Variants in CSMD1 observed in about 807,000 individuals in gnomAD.
CSMD1 encodes CUB and Sushi multiple domains 1.
CSMD1 carries 213 observed loss-of-function variants against 417.5 expected under a neutral mutation model. The observed-to-expected ratio is 0.51, with a 90% CI of 0.46 to 0.57. The LOEUF is 0.57. Among genes scored for constraint, CSMD1 ranks in the 20% least tolerant of loss-of-function variants. The probability of loss-of-function intolerance (pLI) is 0.00; values close to 1 mark genes in which losing one functional copy is unlikely to be tolerated. For synonymous variants in CSMD1, 2,862 were observed against 1,736.8 expected, an observed-to-expected ratio of 1.65 and a Z score of -16.11; for missense variants, 6,923 against 4,529.7, an observed-to-expected ratio of 1.53 and a Z score of -15.17.
chr8:3,660,680 C>T (rs935113636), intron 7 of CSMD1, among the ~76,000 whole-genome samples: 56 of 151,844 alleles, frequency 3.7e-4, no homozygotes, highest in African/African-American at 1.3e-3. Flanking sequence ...TCCACCACAC[C>T]TGGCTAATTT....
chr8:3,990,708 A>G (rs1026180851), intron 5 of CSMD1, among the ~76,000 whole-genome samples: 3 of 152,200 alleles, frequency 2.0e-5, no homozygotes, highest in African/African-American at 4.8e-5. Flanking sequence ...TTCAGGCTTA[A>G]TTCTAGGCAA....
intron 2 of CSMD1, among the ~76,000 whole-genome samples, chr8:4,443,713 AGTT>A (rs1444165533): frequency 6.6e-6 from 1 of 152,232 alleles, no homozygotes; most frequent in Admixed American, 6.5e-5. Flanking sequence ...TTCTAGCAGC[AGTT>A]GGCTAAAGAT....
chr8:3,646,162 A>G (rs1797559683), intron 7 of CSMD1, among the ~76,000 whole-genome samples: 1 of 152,096 alleles, frequency 6.6e-6, no homozygotes, highest in South Asian at 2.1e-4. Context: ...CAATATATAA[A>G]ATGAAAAAGG....
At chr8:4,786,868 ATTAT>A (rs1481918085) in intron 1 of CSMD1, among the ~76,000 whole-genome samples, 4 of 152,210 alleles carry the variant, frequency 2.6e-5, no homozygotes, top group African/African-American at 9.6e-5. Context: ...GAAAATAGTA[ATTAT>A]TTAAGTGAAA....
At chr8:4,046,085 T>C (rs1307997552) in intron 3 of CSMD1, among the ~76,000 whole-genome samples, 1 of 152,174 alleles carries the variant, frequency 6.6e-6, no homozygotes, top group Non-Finnish European at 1.5e-5. Flanking sequence ...TATACACACA[T>C]TATATAACAT....
chr8:3,396,434 G>A (rs752613269), intron 16 of CSMD1, 53 bp from the exon 17 acceptor site: 10 of 1,311,882 alleles, frequency 7.6e-6, no homozygotes, highest in African/African-American at 1.5e-5. Flanking sequence ...CCAGCTTACA[G>A]ACGTGCTCCT....
chr8:4,100,618 G>A (rs904117547), intron 3 of CSMD1, among the ~76,000 whole-genome samples: 4 of 152,112 alleles, frequency 2.6e-5, no homozygotes, highest in East Asian at 1.9e-4. Flanking sequence ...AGTTTCCACC[G>A]TGATAATGGG....
intron 1 of CSMD1, among the ~76,000 whole-genome samples, chr8:4,643,921 C>G (rs1435812945): frequency 6.6e-6 from 1 of 152,200 alleles, no homozygotes; most frequent in African/African-American, 2.4e-5. Context: ...CCTGATGATT[C>G]TCAGATCACC....
At chr8:4,354,674 T>A (rs1563086399) in intron 3 of CSMD1, among the ~76,000 whole-genome samples, 1 of 152,130 alleles carries the variant, frequency 6.6e-6, no homozygotes, top group Admixed American at 6.5e-5. Context: ...TTAAAATTTT[T>A]GTAACATTTG....
intron 3 of CSMD1, among the ~76,000 whole-genome samples, chr8:4,227,168 C>T (rs192252614): frequency 2.0e-5 from 3 of 152,112 alleles, no homozygotes; most frequent in African/African-American, 7.2e-5. Context: ...TGCCTCTTTG[C>T]CTGCCCTCAT....
intron 3 of CSMD1, among the ~76,000 whole-genome samples, chr8:4,204,958 C>G (rs544621931): frequency 6.6e-6 from 1 of 152,088 alleles, no homozygotes; most frequent in African/African-American, 2.4e-5. Flanking sequence ...CTGAATCTGG[C>G]CTATAAAAAT....
At chr8:3,037,670 T>C (rs1053865911) in intron 50 of CSMD1, among the ~76,000 whole-genome samples, 1 of 152,098 alleles carries the variant, frequency 6.6e-6, no homozygotes, top group African/African-American at 2.4e-5. Context: ...AGGACAAAAG[T>C]TGTTTTTGGA....
chr8:3,965,040 C>G (rs905905667), intron 5 of CSMD1, among the ~76,000 whole-genome samples: 5 of 152,154 alleles, frequency 3.3e-5, no homozygotes, highest in Non-Finnish European at 5.9e-5. Context: ...ACACAATGTG[C>G]TTGTAAATAT....
chr8:2,999,067 T>A (rs1807162134), intron 53 of CSMD1, among the ~76,000 whole-genome samples: 1 of 152,178 alleles, frequency 6.6e-6, no homozygotes, highest in Non-Finnish European at 1.5e-5. Context: ...CGAAAAATAG[T>A]CAATATTTAC....
At chr8:3,022,679 TAAA>T (rs35865350) in intron 51 of CSMD1, among the ~76,000 whole-genome samples, 3,472 of 136,356 alleles carry the variant, frequency 0.025, 152 homozygotes, top group African/African-American at 0.087. Context: ...ACATTCTAGC[TAAA>T]AAAAAAAAAA....
intron 1 of CSMD1, among the ~76,000 whole-genome samples, chr8:4,885,521 G>A (rs960316181): frequency 1.3e-5 from 2 of 151,926 alleles, no homozygotes; most frequent in Non-Finnish European, 2.9e-5. Context: ...ATTCTTGTTT[G>A]TTGATTTTAT....
chr8:4,644,403 T>C (rs1251577544), intron 1 of CSMD1, among the ~76,000 whole-genome samples: 1 of 98,190 alleles, frequency 1.0e-5, no homozygotes, highest in East Asian at 3.6e-4. Context: ...CATTACATGC[T>C]ACCCTTTGCC....
intron 5 of CSMD1, among the ~76,000 whole-genome samples, chr8:3,790,309 G>A (rs1471756642): frequency 6.6e-6 from 1 of 152,172 alleles, no homozygotes; most frequent in Non-Finnish European, 1.5e-5. Flanking sequence ...TGTAGCTACT[G>A]GCTGTAACTT....
At chr8:4,426,622 C>T (rs1369205244) in intron 2 of CSMD1, among the ~76,000 whole-genome samples, 2 of 40,878 alleles carry the variant, frequency 4.9e-5, no homozygotes, top group South Asian at 1.3e-3. Context: ...ATATTGTTTA[C>T]TATATAATAT....
Sources: gnomAD v4.1 joint callset for allele counts (sites outside exome capture counted in the v4.1 genomes callset) on GRCh38, gnomAD v4.1.1 for gene constraint, MANE v1.5 for transcripts, NCBI Gene and HGNC (gene_info 2026-07-23, HGNC 2026-07-21) for gene names.